Variants in SLC4A10 observed in about 807,000 individuals in gnomAD.
The protein encoded by SLC4A10 is solute carrier family 4 member 10.
Under a neutral mutation model 137.7 loss-of-function variants are expected in SLC4A10, and 42 were observed. The ratio of observed to expected loss-of-function variants is 0.30; its 90% CI spans 0.24 to 0.39. The LOEUF (loss-of-function observed/expected upper bound fraction) is 0.39. SLC4A10 is among the 10% of genes least tolerant of loss of function. The pLI is 1.00. For missense variants in SLC4A10, 925 were observed against 1,355.0 expected (o/e 0.68, Z 4.98); for synonymous variants, 474 against 464.1 (o/e 1.02, Z -0.27).
At chr2:161,702,993 T>C (rs1336343027) in intron 1 of SLC4A10, among the ~76,000 whole-genome samples, 1 of 151,786 alleles carries the variant, frequency 6.6e-6, no homozygotes, top group African/African-American at 2.4e-5. Flanking sequence ...TATTAACTTT[T>C]TGAGACCATT....
intron 3 of SLC4A10, 97 bp from the exon 4 acceptor site, chr2:161,839,692 C>T (rs1030228595): frequency 5.2e-5 from 71 of 1,372,232 alleles, no homozygotes; most frequent in Non-Finnish European, 6.7e-5. Flanking sequence ...TGGGGTGGTG[C>T]GAGCTTGGGG....
intron 1 of SLC4A10, among the ~76,000 whole-genome samples, chr2:161,639,583 T>TA (rs1373702978): frequency 6.6e-6 from 1 of 152,106 alleles, no homozygotes; most frequent in African/African-American, 2.4e-5. Context: ...CCCTTTGTGA[T>TA]AAAAACCCTC....
intron 1 of SLC4A10, among the ~76,000 whole-genome samples, chr2:161,747,513 T>C (rs191552496): frequency 1.3e-5 from 2 of 152,296 alleles, no homozygotes; most frequent in East Asian, 3.9e-4. Context: ...AATCAGGTAC[T>C]GTGATTACTC....
intron 15 of SLC4A10, among the ~76,000 whole-genome samples, chr2:161,933,272 CCTTT>C (rs1295948828): frequency 2.4e-5 from 3 of 126,058 alleles, no homozygotes; most frequent in Admixed American, 8.7e-5. Flanking sequence ...CTCCTTCCTT[CCTTT>C]CTTTTTCTTT....
intron 3 of SLC4A10, among the ~76,000 whole-genome samples, chr2:161,825,403 CT>C (rs2057948969): frequency 6.6e-6 from 1 of 152,178 alleles, no homozygotes; most frequent in Non-Finnish European, 1.5e-5. Context: ...ACTCCTTAGG[CT>C]TAGCAAGAAT....
intron 1 of SLC4A10, among the ~76,000 whole-genome samples, chr2:161,677,545 C>G (rs916180726): frequency 6.6e-6 from 1 of 152,114 alleles, no homozygotes; most frequent in Non-Finnish European, 1.5e-5. Flanking sequence ...AATGTTCCCT[C>G]GAAATATTCA....
intron 15 of SLC4A10, among the ~76,000 whole-genome samples, chr2:161,920,196 G>A (rs746218853): frequency 6.6e-6 from 1 of 152,224 alleles, no homozygotes; most frequent in Non-Finnish European, 1.5e-5. Context: ...TGGGCAGAAT[G>A]AGCCCAGAGG....
intron 15 of SLC4A10, among the ~76,000 whole-genome samples, chr2:161,908,713 T>C (rs1012345473): frequency 5.3e-5 from 8 of 149,712 alleles, no homozygotes; most frequent in African/African-American, 2.0e-4. Flanking sequence ...CATAGGCCAG[T>C]TGGTGTCAAA....
chr2:161,905,361 T>C (rs2105340092), intron 14 of SLC4A10, among the ~76,000 whole-genome samples: 1 of 152,302 alleles, frequency 6.6e-6, no homozygotes, highest in East Asian at 1.9e-4. Context: ...CTTGTGCTCC[T>C]ATGAGAATCT....
chr2:161,928,376 G>A (rs1473897409), intron 15 of SLC4A10, among the ~76,000 whole-genome samples: 1 of 101,746 alleles, frequency 9.8e-6, no homozygotes, highest in Non-Finnish European at 1.8e-5. Context: ...CTGTTGTGGG[G>A]TGGGGGGAGG....
intron 1 of SLC4A10, among the ~76,000 whole-genome samples, chr2:161,697,720 A>G (rs1273184437): frequency 6.6e-6 from 1 of 152,144 alleles, no homozygotes; most frequent in African/African-American, 2.4e-5. Flanking sequence ...CTTGTAGTAT[A>G]GTTTGAAGTC....
chr2:161,783,056 C>G (rs2053229636), intron 2 of SLC4A10, among the ~76,000 whole-genome samples: 1 of 151,872 alleles, frequency 6.6e-6, no homozygotes, highest in South Asian at 2.1e-4. Context: ...TGTCAAAAGT[C>G]AATCACAAAG....
At chr2:161,767,834 A>G (rs1559205173) in intron 1 of SLC4A10, among the ~76,000 whole-genome samples, 1 of 152,004 alleles carries the variant, frequency 6.6e-6, no homozygotes, top group Non-Finnish European at 1.5e-5. Context: ...TTGCCCCCCA[A>G]AACAAGGCCA....
rs754250799 is a variant in SLC4A10 at position 161,873,944 on chromosome 2, C to T, written c.887C>T (p.Thr296Ile). 1.3e-6 allele frequency: 2 copies of T among 1,594,972 alleles called. No individual in the cohort carries two copies. Among genetic ancestry groups the T allele is most frequent in the East Asian group, 4.5e-5 (2 of 44,734 alleles). ...KGLGGQQKGHTSPCGMKQRHE... is the reference protein window; with the variant it reads ...KGLGGQQKGHISPCGMKQRHE... ...CTGGGAGGCCAACAAAAGGGGCATA[C>T]TAGTCCATGTGGGATGAAACAAAGG... The change falls in exon 8 of 27, where the codon ACT becomes ATT. Residue 296 changes from threonine to isoleucine, a missense_variant. Physicochemically the swap from Thr to Ile is moderately conservative, Grantham distance 89 (BLOSUM62 -1). This residue lies in a region of SLC4A10 where 277 missense variants were observed against 306.1 expected (regional missense o/e 0.90). Coordinates refer to ENST00000446997, the MANE Select transcript of SLC4A10 (RefSeq NM_001178015.2).
At chr2:161,725,437 C>A (rs1467246354) in intron 1 of SLC4A10, among the ~76,000 whole-genome samples, 2 of 152,116 alleles carry the variant, frequency 1.3e-5, no homozygotes, top group African/African-American at 2.4e-5. Context: ...TTAGCTATTA[C>A]TGTAATTATA....
chr2:161,731,262 T>C (rs2046793154), intron 1 of SLC4A10, among the ~76,000 whole-genome samples: 1 of 152,136 alleles, frequency 6.6e-6, no homozygotes, highest in African/African-American at 2.4e-5. Flanking sequence ...ACTGGTCTTT[T>C]GAATATTTTC....
At chr2:161,964,613 G>T (rs1173897800) in intron 22 of SLC4A10, among the ~76,000 whole-genome samples, 2 of 151,994 alleles carry the variant, frequency 1.3e-5, no homozygotes, top group East Asian at 3.8e-4. Context: ...GAAAAATTAG[G>T]ATTTTTAAAA....
At chr2:161,904,453 C>G (rs1008550816) in intron 13 of SLC4A10, among the ~76,000 whole-genome samples, 1 of 152,146 alleles carries the variant, frequency 6.6e-6, no homozygotes, top group Non-Finnish European at 1.5e-5. Flanking sequence ...AGTCTCCATT[C>G]TTGTCTCACA....
chr2:161,763,282 A>G (rs1048930137), intron 1 of SLC4A10, among the ~76,000 whole-genome samples: 3 of 151,992 alleles, frequency 2.0e-5, no homozygotes, highest in African/African-American at 7.2e-5. Context: ...TTACATGTCC[A>G]TTTCCACACA....
Sources: gnomAD v4.1 joint callset for allele counts (sites outside exome capture counted in the v4.1 genomes callset) on GRCh38, gnomAD v4.1.1 for gene constraint, gnomAD v4.1.1 regional missense constraint, MANE v1.5 for transcripts, NCBI Gene and HGNC (gene_info 2026-07-23, HGNC 2026-07-21) for gene names.